The following CADM2 variants were observed in gnomAD, a reference collection of about 807,000 sequenced individuals.
CADM2 encodes cell adhesion molecule 2.
CADM2 carries 12 observed loss-of-function variants against 49.8 expected under a neutral mutation model. That is an observed-to-expected ratio of 0.24 (90% confidence interval 0.15 to 0.39). CADM2 has a LOEUF of 0.39. Ranked by LOEUF, CADM2 falls within the 10% of genes least tolerant of loss-of-function variation. The pLI, the probability that CADM2 is intolerant of heterozygous loss-of-function variation, is 1.00. For synonymous variants in CADM2, 214 were observed against 175.4 expected (o/e 1.22, Z -1.74); for missense variants, 378 against 492.3 (o/e 0.77, Z 2.20).
intron 1 of CADM2, among the ~76,000 whole-genome samples, chr3:85,599,753 A>G (rs992801141): frequency 1.3e-5 from 2 of 152,010 alleles, no homozygotes; most frequent in Non-Finnish European, 2.9e-5. Context: ...TCTAGTAAAA[A>G]TAAATGTTCT....
chr3:85,667,584 A>G (rs963452675), intron 1 of CADM2, among the ~76,000 whole-genome samples: 7 of 152,002 alleles, frequency 4.6e-5, no homozygotes, highest in Non-Finnish European at 1.0e-4. Flanking sequence ...GACCTAATTC[A>G]GGATAACTCT....
chr3:85,767,157 T>G (rs2069697986), intron 2 of CADM2, among the ~76,000 whole-genome samples: 2 of 152,180 alleles, frequency 1.3e-5, no homozygotes, highest in African/African-American at 4.8e-5. Flanking sequence ...CCTAATTGTC[T>G]TATTTAGTTT....
chr3:85,606,147 C>G (rs962767930), intron 1 of CADM2, among the ~76,000 whole-genome samples: 15 of 152,122 alleles, frequency 9.9e-5, no homozygotes, highest in Middle Eastern at 3.4e-3. Flanking sequence ...TTGGAACAAC[C>G]TTTTTTATTA....
chr3:85,897,535 C>T (rs1409214034), intron 5 of CADM2, among the ~76,000 whole-genome samples: 1 of 151,678 alleles, frequency 6.6e-6, no homozygotes, highest in Non-Finnish European at 1.5e-5. Context: ...TCCCAAAGTG[C>T]TGGGATTACA....
intron 1 of CADM2, among the ~76,000 whole-genome samples, chr3:85,106,034 T>G (rs1009168669): frequency 2.6e-5 from 4 of 152,080 alleles, no homozygotes; most frequent in African/African-American, 9.7e-5. Flanking sequence ...GCATGGCACA[T>G]GTATACATAT....
chr3:85,347,807 G>GTTTT (rs143346387), intron 1 of CADM2, among the ~76,000 whole-genome samples: 1 of 103,216 alleles, frequency 9.7e-6, no homozygotes, highest in African/African-American at 3.1e-5. Context: ...ACATCCGCCA[G>GTTTT]TTTTTTGTTT....
intron 1 of CADM2, among the ~76,000 whole-genome samples, chr3:85,710,376 A>T (rs1577136615): frequency 6.6e-6 from 1 of 152,216 alleles, no homozygotes; most frequent in Middle Eastern, 3.4e-3. Flanking sequence ...CAGACAATAA[A>T]TTTCAGGAAA....
intron 1 of CADM2, among the ~76,000 whole-genome samples, chr3:85,063,446 G>A (rs2036410881): frequency 6.6e-6 from 1 of 151,936 alleles, no homozygotes; most frequent in Admixed American, 6.6e-5. Context: ...TAGAGCTAAT[G>A]CCATGTACTA....
At chr3:85,333,151 G>A (rs2044982350) in intron 1 of CADM2, among the ~76,000 whole-genome samples, 1 of 151,676 alleles carries the variant, frequency 6.6e-6, no homozygotes, top group African/African-American at 2.4e-5. Context: ...GTGTCTTACA[G>A]TAGAAAGAAC....
At chr3:85,020,529 CAT>C (rs2034451601) in intron 1 of CADM2, among the ~76,000 whole-genome samples, 1 of 152,038 alleles carries the variant, frequency 6.6e-6, no homozygotes, top group African/African-American at 2.4e-5. Context: ...ATACTTCACA[CAT>C]GAATGAAACA....
At chr3:85,067,964 C>A (rs572811570) in intron 1 of CADM2, among the ~76,000 whole-genome samples, 1 of 152,234 alleles carries the variant, frequency 6.6e-6, no homozygotes, top group Admixed American at 6.6e-5. Flanking sequence ...TGTGGGTTTC[C>A]TTTTCCTTTC....
At chr3:85,337,217 A>G (rs899034047) in intron 1 of CADM2, among the ~76,000 whole-genome samples, 4 of 150,390 alleles carry the variant, frequency 2.7e-5, no homozygotes, top group Admixed American at 1.3e-4. Context: ...TTAAACTCCA[A>G]CTGAACCAAA....
chr3:85,207,650 T>C (rs2041680338), intron 1 of CADM2, among the ~76,000 whole-genome samples: 1 of 152,176 alleles, frequency 6.6e-6, no homozygotes, highest in African/African-American at 2.4e-5. Context: ...AAAGGACTAA[T>C]ATGTATGATT....
intron 8 of CADM2, among the ~76,000 whole-genome samples, chr3:85,998,671 A>T (rs1361789444): frequency 1.3e-5 from 2 of 152,146 alleles, no homozygotes; most frequent in Non-Finnish European, 2.9e-5. Flanking sequence ...AAGTGATGAG[A>T]AACAATTTAA....
chr3:85,890,105 A>T (rs1303639964), intron 5 of CADM2, among the ~76,000 whole-genome samples: 1 of 152,098 alleles, frequency 6.6e-6, no homozygotes, highest in Non-Finnish European at 1.5e-5. Flanking sequence ...CAAATCACAG[A>T]AGCATCTGTG....
At chr3:85,504,903 G>C (rs2040264190) in intron 1 of CADM2, among the ~76,000 whole-genome samples, 1 of 152,150 alleles carries the variant, frequency 6.6e-6, no homozygotes, top group Admixed American at 6.5e-5. Context: ...TACACCCTCC[G>C]CAGCCGCTGG....
chr3:85,295,735 C>A (rs1190804163), intron 1 of CADM2, among the ~76,000 whole-genome samples: 5 of 151,612 alleles, frequency 3.3e-5, no homozygotes, highest in South Asian at 4.2e-4. Flanking sequence ...AATTAGATCA[C>A]ATGGACACAG....
At chr3:85,856,213 C>T (rs1363814467) in intron 3 of CADM2, among the ~76,000 whole-genome samples, 2 of 152,094 alleles carry the variant, frequency 1.3e-5, no homozygotes, top group Non-Finnish European at 2.9e-5. Flanking sequence ...CATATTTATT[C>T]TACTATATAG....
chr3:85,872,990 C>T (rs1005808331), intron 3 of CADM2, among the ~76,000 whole-genome samples: 14 of 152,148 alleles, frequency 9.2e-5, no homozygotes, highest in Admixed American at 2.0e-4. Flanking sequence ...TAGAAATTCA[C>T]TTGGCTCATG....
Sources: gnomAD v4.1 joint callset for allele counts (sites outside exome capture counted in the v4.1 genomes callset) on GRCh38, gnomAD v4.1.1 for gene constraint, MANE v1.5 for transcripts, NCBI Gene and HGNC (gene_info 2026-07-23, HGNC 2026-07-21) for gene names.